Variants in AKAP10 observed in about 807,000 individuals in gnomAD.
AKAP10 encodes the protein A-kinase anchoring protein 10.
In AKAP10, 24 loss-of-function variants were observed where a neutral mutation model predicts 80.8. That is an observed-to-expected ratio of 0.30 (90% CI 0.22 to 0.42). The LOEUF (loss-of-function observed/expected upper bound fraction) is 0.42. Among genes scored for constraint, AKAP10 ranks in the 10% least tolerant of loss-of-function variants. The pLI is 1.00. For missense variants in AKAP10, 661 were observed against 794.9 expected, an observed-to-expected ratio of 0.83 and a Z score of 2.03; for synonymous variants, 291 against 277.7, an observed-to-expected ratio of 1.05 and a Z score of -0.48.
At chr17:19,970,569 T>C (rs1386782306) in intron 1 of AKAP10, among the ~76,000 whole-genome samples, 2 of 152,196 alleles carry the variant, frequency 1.3e-5, no homozygotes, top group African/African-American at 2.4e-5. Flanking sequence ...ACACCTGTAA[T>C]CCCAGGACTT....
intron 11 of AKAP10, among the ~76,000 whole-genome samples, chr17:19,923,987 T>C (rs969026315): frequency 5.9e-5 from 9 of 152,232 alleles, no homozygotes; most frequent in South Asian, 2.1e-4. Context: ...GATTTTATGA[T>C]TGGATCTGTG....
At chr17:19,910,003 T>C (rs987484422) in intron 12 of AKAP10, 25 bp from the exon 13 acceptor site, 3 of 1,608,904 alleles carry the variant, frequency 1.9e-6, no homozygotes, top group South Asian at 1.1e-5. Flanking sequence ...CAAAATTGAA[T>C]GTACATTTCA....
intron 12 of AKAP10, among the ~76,000 whole-genome samples, chr17:19,912,588 C>T (rs1408090493): frequency 2.3e-4 from 35 of 151,988 alleles, no homozygotes; most frequent in South Asian, 8.3e-4. Flanking sequence ...CGTGGTGACA[C>T]GTGCCTGTAA....
At chr17:19,951,608 C>T (rs1328151277) in intron 4 of AKAP10, among the ~76,000 whole-genome samples, 5 of 152,020 alleles carry the variant, frequency 3.3e-5, no homozygotes, top group African/African-American at 1.2e-4. Flanking sequence ...CAACCCCCTG[C>T]TCTCTGAAAC....
intron 9 of AKAP10, among the ~76,000 whole-genome samples, chr17:19,934,530 T>C (rs1597501922): frequency 6.6e-6 from 1 of 152,162 alleles, no homozygotes; most frequent in African/African-American, 2.4e-5. Context: ...GATACTGCTC[T>C]CTAATTATTT....
intron 1 of AKAP10, among the ~76,000 whole-genome samples, chr17:19,976,300 T>C (rs777026031): frequency 6.6e-6 from 1 of 151,938 alleles, no homozygotes; most frequent in Non-Finnish European, 1.5e-5. Context: ...CAGCCTAACA[T>C]GGTGAAGCCC....
At chr17:19,906,522 T>C (rs2042633000) in intron 14 of AKAP10, among the ~76,000 whole-genome samples, 1 of 152,230 alleles carries the variant, frequency 6.6e-6, no homozygotes, top group South Asian at 2.1e-4. Context: ...TGAAAAATAT[T>C]GCCAATTTTC....
rs117847652 is a variant in AKAP10, at chr17:19,930,520, C to T, written c.1641+1285G>A. On this transcript the variant is annotated intron_variant, in intron 10 of 14. Coordinates refer to ENST00000225737, the MANE Select transcript of AKAP10 (RefSeq NM_007202.4). ...ACACAACATTATAGGTAGTGGTTCA[C>T]GCCTGTAATCCCAGCACTTTGAGAG... Among the ~76,000 whole-genome samples the T allele has an allele frequency of 2.7e-3, 404 of 151,916 alleles. 14 individuals carry two copies. In the East Asian group the frequency reaches 0.074, roughly 28 times the overall value.
At chr17:19,924,369 T>C in intron 11 of AKAP10, 39 bp downstream of exon 11, 4 of 1,402,292 alleles carry the variant, frequency 2.9e-6, no homozygotes, top group Non-Finnish European at 3.9e-6. Flanking sequence ...TGCAAAGTTA[T>C]TTACACTTGT....
In AKAP10 at chr17:19,942,577, A is replaced by T. The variant is rs565854561; in HGVS notation, c.977-667T>A. On this transcript the variant is annotated intron_variant, in intron 5 of 14. Transcript: ENST00000225737. ...AATTCTATTTCTGGGATTGTAACTT[A>T]AAAAATTATGGATTTGTGAAGTTAT... Among the ~76,000 whole-genome samples, 41 of 152,336 alleles carry T rather than the reference A, an allele frequency of 2.7e-4. No homozygotes were observed. In the South Asian group the frequency reaches 8.3e-3, roughly 31 times the overall value.
intron 11 of AKAP10, among the ~76,000 whole-genome samples, chr17:19,921,553 A>G (rs758115587): frequency 6.6e-6 from 1 of 152,018 alleles, no homozygotes; most frequent in Non-Finnish European, 1.5e-5. Context: ...TTTAAAATGT[A>G]GGCCAGGCAT....
At chr17:19,973,345 G>A (rs2043523819) in intron 1 of AKAP10, among the ~76,000 whole-genome samples, 1 of 152,158 alleles carries the variant, frequency 6.6e-6, no homozygotes. Context: ...TGGCTTCAAG[G>A]ATAAAGGAGA....
At chr17:19,946,854 C>T (rs1377099505) in intron 5 of AKAP10, among the ~76,000 whole-genome samples, 1 of 152,090 alleles carries the variant, frequency 6.6e-6, no homozygotes, top group Non-Finnish European at 1.5e-5. Flanking sequence ...ATGGCTCTGG[C>T]TAATGCAGGT....
intron 5 of AKAP10, among the ~76,000 whole-genome samples, chr17:19,945,861 T>C (rs142425280): frequency 6.6e-4 from 101 of 152,152 alleles, no homozygotes; most frequent in African/African-American, 2.4e-3. Flanking sequence ...AAATACATAA[T>C]ATTAGGACTT....
intron 6 of AKAP10, among the ~76,000 whole-genome samples, chr17:19,941,616 T>G (rs2043051297): frequency 6.6e-6 from 1 of 152,176 alleles, no homozygotes; most frequent in Non-Finnish European, 1.5e-5. Flanking sequence ...AATATTAACA[T>G]TGAAAATGAA....
At chr17:19,921,292 C>A (rs747240115) in intron 11 of AKAP10, among the ~76,000 whole-genome samples, 1 of 151,584 alleles carries the variant, frequency 6.6e-6, no homozygotes, top group Non-Finnish European at 1.5e-5. Context: ...CTCAGCCTCT[C>A]GAGTAGCTGG....
rs938997584 is a variant in AKAP10, at chr17:19,940,943, T to C, written c.1129A>G (p.Thr377Ala). ...KYQIEVLTSG[T>A]VYLADILFCE... is the part of the protein sequence containing the mutation. ...AAGAGAATGTCAGCCAGGTAAACAG[T>C]TCCACTGGTCAGCACTTCAATCTGG... The change falls in exon 7 of 15, where the codon ACT (threonine) becomes GCT (alanine). Residue 377 changes from threonine (T) to alanine (A), a missense_variant. Physicochemically the swap from Thr to Ala is moderately conservative, Grantham distance 58. Transcript: ENST00000225737. The C allele has an allele frequency of 1.2e-6, 2 of 1,611,796 alleles. No individual in the cohort carries two copies. Among genetic ancestry groups the C allele is most frequent in the Non-Finnish European group, 1.7e-6 (2 of 1,179,462 alleles).
chr17:19,962,598 T>C (rs1233937635), intron 3 of AKAP10, among the ~76,000 whole-genome samples: 3 of 152,236 alleles, frequency 2.0e-5, no homozygotes, highest in Admixed American at 2.0e-4. Flanking sequence ...CTTTTTCATA[T>C]ATTTATATTT....
chr17:19,959,273 T>C (rs561684437), intron 3 of AKAP10, among the ~76,000 whole-genome samples: 177 of 152,302 alleles, frequency 1.2e-3, no homozygotes, highest in Middle Eastern at 6.8e-3. Flanking sequence ...TAACATAAAA[T>C]GCATTTTTGT....
Sources: allele counts gnomAD v4.1 joint callset (sites outside exome capture counted in the v4.1 genomes callset), GRCh38; gene constraint gnomAD v4.1.1; transcripts MANE v1.5; gene names NCBI Gene and HGNC (gene_info 2026-07-23, HGNC 2026-07-21).